TOGARAM2: variants seen among roughly 807,000 people sequenced by gnomAD.
TOGARAM2 encodes the protein TOG array regulator of axonemal microtubules protein 2.
TOGARAM2 carries 85 observed loss-of-function variants against 93.3 expected under a neutral mutation model. That is an observed-to-expected ratio of 0.91 (90% CI 0.76 to 1.09). TOGARAM2 has a LOEUF of 1.09. TOGARAM2 is among the 50% of genes least tolerant of loss of function. The pLI, the probability that TOGARAM2 is intolerant of heterozygous loss-of-function variation, is 0.00. For synonymous variants in TOGARAM2, 593 were observed against 552.8 expected, an observed-to-expected ratio of 1.07 and a Z score of -1.02; for missense variants, 1,277 against 1,334.5, an observed-to-expected ratio of 0.96 and a Z score of 0.67.
intron 13 of TOGARAM2, among the ~76,000 whole-genome samples, chr2:29,025,642 A>G (rs1477585964): frequency 6.6e-6 from 1 of 152,122 alleles, no homozygotes; most frequent in African/African-American, 2.4e-5. Flanking sequence ...CTGAGTAGGG[A>G]GAGTTCTGAT....
intron 14 of TOGARAM2, among the ~76,000 whole-genome samples, chr2:29,029,773 A>G (rs1665650442): frequency 6.6e-6 from 1 of 151,210 alleles, no homozygotes; most frequent in African/African-American, 2.4e-5. Flanking sequence ...AAAAAGAATG[A>G]CATAATGGAC....
intron 18 of TOGARAM2, among the ~76,000 whole-genome samples, chr2:29,038,551 T>C (rs1397008129): frequency 6.6e-6 from 1 of 152,158 alleles, no homozygotes; most frequent in Non-Finnish European, 1.5e-5. Flanking sequence ...TCTCAGCTCA[T>C]TGCAATCTCT....
At chr2:29,011,796 G>A (rs372871549) in intron 7 of TOGARAM2, among the ~76,000 whole-genome samples, 3 of 152,206 alleles carry the variant, frequency 2.0e-5, no homozygotes, top group African/African-American at 7.2e-5. Flanking sequence ...AATTCTGGCC[G>A]TGTGTGACAG....
intron 1 of TOGARAM2, among the ~76,000 whole-genome samples, chr2:28,983,572 A>AT (rs1191131097): frequency 2.6e-5 from 4 of 151,622 alleles, no homozygotes; most frequent in Admixed American, 1.3e-4. Flanking sequence ...GGACATTTAG[A>AT]TTTTTTCCAG....
intron 1 of TOGARAM2, among the ~76,000 whole-genome samples, chr2:28,963,974 T>C (rs1478160048): frequency 4.6e-5 from 7 of 152,148 alleles, no homozygotes; most frequent in Non-Finnish European, 8.8e-5. Flanking sequence ...GCCATTGCAC[T>C]CCAGCCTGGG....
intron 5 of TOGARAM2, 147 bp from the exon 6 acceptor site, chr2:29,003,345 G>T: frequency 1.8e-6 from 1 of 552,584 alleles, no homozygotes. Context: ...ACCAGGAGTG[G>T]TAAGGAAGCA....
chr2:29,002,449 A>T, intron 4 of TOGARAM2, 87 bp from the exon 5 acceptor site: 1 of 1,197,418 alleles, frequency 8.4e-7, no homozygotes, highest in South Asian at 1.4e-5. Flanking sequence ...TTCCCAGGGC[A>T]GAAGGCCCCG....
rs111497951 is a variant in TOGARAM2, at chr2:29,022,484, G to A, written c.1511+176G>A. Among the ~76,000 whole-genome samples the A allele has an allele frequency of 8.5e-3, 1,288 of 152,314 alleles. 24 individuals carry two copies. Among genetic ancestry groups the A allele is most frequent in the African/African-American group, 0.029 (1,215 of 41,570 alleles). ...CATATAGATATGTGTGTTTATGTGCGTGTGTGCATGAGTGTGTGGTGTTCC... is the reference window on the plus strand; with the variant it reads ...CATATAGATATGTGTGTTTATGTGCATGTGTGCATGAGTGTGTGGTGTTCC... On this transcript the variant is annotated intron_variant, in intron 11 of 19. Transcript: ENST00000379558.
At chr2:28,990,876 C>T (rs1032621164) in intron 1 of TOGARAM2, among the ~76,000 whole-genome samples, 2 of 151,964 alleles carry the variant, frequency 1.3e-5, no homozygotes, top group South Asian at 2.1e-4. Context: ...CTGTCTCCTC[C>T]GCATGAGAGG....
chr2:29,030,003 G>T (rs932014563), intron 14 of TOGARAM2, among the ~76,000 whole-genome samples: 3 of 152,248 alleles, frequency 2.0e-5, no homozygotes, highest in African/African-American at 7.2e-5. Flanking sequence ...GCTGGGTGCA[G>T]TGGCTCACAT....
intron 4 of TOGARAM2, among the ~76,000 whole-genome samples, chr2:29,002,277 G>A (rs1572669411): frequency 6.6e-6 from 1 of 152,196 alleles, no homozygotes; most frequent in Non-Finnish European, 1.5e-5. Context: ...ATCTGGCACT[G>A]CTTTTATTTC....
intron 18 of TOGARAM2, among the ~76,000 whole-genome samples, chr2:29,041,347 T>C (rs1352451242): frequency 1.3e-5 from 2 of 152,188 alleles, no homozygotes; most frequent in African/African-American, 4.8e-5. Flanking sequence ...AACAGCTCCA[T>C]CACGTGACTG....
chr2:29,047,871 T>G, intron 19 of TOGARAM2: 2 of 133,052 alleles, frequency 1.5e-5, no homozygotes, highest in Admixed American at 8.0e-5. Context: ...TGTAGCAGGA[T>G]GGGGAAGGAG....
At position 29,017,860 on chromosome 2, in the gene TOGARAM2, G is replaced by A. The variant is rs369968827; in HGVS notation, c.1264G>A (p.Asp422Asn). Residue 422 changes from aspartate (D) to asparagine (N), a missense_variant, in exon 10 of 20, where the codon GAC becomes AAC. By Grantham distance (23) the Asp-to-Asn change is conservative. Coordinates refer to ENST00000379558, the MANE Select transcript of TOGARAM2 (RefSeq NM_199280.4). ...TAGGCTGAGCGGCCCATGCAGAAAC[G>A]ACGTCAGCATCATCCTGAGGAAGTG... ...PTRLSGPCRN[D>N]VSIILRKWAS... 18 of 1,613,418 alleles carry A rather than the reference G, an allele frequency of 1.1e-5. No homozygotes were observed. The African/African-American group carries it at 1.5e-4, about 13-fold the overall frequency.
intron 1 of TOGARAM2, among the ~76,000 whole-genome samples, chr2:28,966,571 C>T (rs1383500717): frequency 1.3e-5 from 2 of 152,178 alleles, no homozygotes; most frequent in Non-Finnish European, 2.9e-5. Context: ...GCTGGGATTA[C>T]AGGTGTGAGC....
chr2:28,997,073 C>T (rs1446185978), intron 2 of TOGARAM2, among the ~76,000 whole-genome samples: 1 of 152,106 alleles, frequency 6.6e-6, no homozygotes, highest in Non-Finnish European at 1.5e-5. Flanking sequence ...CCAGCAGTGA[C>T]CTCAAAAGCA....
intron 5 of TOGARAM2, among the ~76,000 whole-genome samples, chr2:29,003,090 G>A (rs1447673232): frequency 6.6e-6 from 1 of 152,212 alleles, no homozygotes; most frequent in South Asian, 2.1e-4. Flanking sequence ...TTTTAAGCAA[G>A]AGTGTGGCAA....
chr2:29,027,011 G>A lies in TOGARAM2; in HGVS notation c.2012G>A (p.Arg671Lys). ...GCACAGGACTCCAACCAGGACACCA[G>A]GTAGGGCAGGGCCAGGGGCCTGGGG... is the stretch of plus-strand genomic sequence containing the variant. ...RLAQDSNQDT[R>K]FYGRKMVNIL... The change falls in exon 14 of 20, where the codon AGA (arginine) becomes AAA (lysine). Residue 671 changes from arginine (R) to lysine (K), a missense_variant and splice_region_variant. By Grantham distance (26) the Arg-to-Lys change is conservative (BLOSUM62 2). Coordinates refer to ENST00000379558, the MANE Select transcript of TOGARAM2 (RefSeq NM_199280.4). 1 of 1,556,222 alleles carries A rather than the reference G, an allele frequency of 6.4e-7. No individual in the cohort carries two copies. Among genetic ancestry groups the A allele is most frequent in the Non-Finnish European group, 8.7e-7 (1 of 1,149,308 alleles).
chr2:29,009,934 G>A (rs571301804), intron 6 of TOGARAM2, among the ~76,000 whole-genome samples: 10 of 152,082 alleles, frequency 6.6e-5, no homozygotes, highest in East Asian at 1.9e-4. Flanking sequence ...CTGTGGGGTC[G>A]CTAGAGAAGG....
Sources: gnomAD v4.1 joint callset for allele counts (sites outside exome capture counted in the v4.1 genomes callset) on GRCh38, gnomAD v4.1.1 for gene constraint, MANE v1.5 for transcripts, NCBI Gene and HGNC (gene_info 2026-07-23, HGNC 2026-07-21) for gene names.